CFAP299: variants seen among roughly 807,000 people sequenced by gnomAD.
CFAP299 encodes cilia and flagella associated protein 299, also known as cilia- and flagella-associated protein 299.
CFAP299 carries 21 observed loss-of-function variants against 27.0 expected under a neutral mutation model. The observed-to-expected ratio is 0.78, with a 90% CI of 0.55 to 1.12. CFAP299 has a LOEUF of 1.12. Among genes scored for constraint, CFAP299 ranks in the 50% most tolerant of loss-of-function variants. CFAP299 has a pLI of 0.00. For missense variants in CFAP299, 310 were observed against 276.6 expected (o/e 1.12, Z -0.86); for synonymous variants, 104 against 98.1 (o/e 1.06, Z -0.36).
At chr4:80,494,061 C>A (rs1731301922) in intron 2 of CFAP299, among the ~76,000 whole-genome samples, 1 of 152,078 alleles carries the variant, frequency 6.6e-6, no homozygotes, top group African/African-American at 2.4e-5. Context: ...AGGCGTGAGC[C>A]ACCGCGCCTG....
intron 3 of CFAP299, among the ~76,000 whole-genome samples, chr4:80,761,059 T>A (rs1355834655): frequency 6.6e-6 from 1 of 152,166 alleles, no homozygotes; most frequent in African/African-American, 2.4e-5. Flanking sequence ...TGTATTTAAA[T>A]TTTTCCTGCT....
chr4:80,404,060 C>T (rs1726294322), intron 2 of CFAP299, among the ~76,000 whole-genome samples: 1 of 152,102 alleles, frequency 6.6e-6, no homozygotes, highest in Admixed American at 6.6e-5. Context: ...GCAGTTTGAA[C>T]ATACATGATT....
At chr4:80,449,861 C>T (rs1054170782) in intron 2 of CFAP299, among the ~76,000 whole-genome samples, 2 of 151,954 alleles carry the variant, frequency 1.3e-5, no homozygotes, top group Non-Finnish European at 2.9e-5. Flanking sequence ...ATTATTTTCT[C>T]ACCAAAATGT....
intron 4 of CFAP299, among the ~76,000 whole-genome samples, chr4:80,914,457 C>T (rs1180001094): frequency 6.6e-6 from 1 of 152,084 alleles, no homozygotes; most frequent in Non-Finnish European, 1.5e-5. Flanking sequence ...GGATATTTAG[C>T]AATATCCGTA....
At chr4:80,551,477 G>A (rs1380747359) in intron 2 of CFAP299, among the ~76,000 whole-genome samples, 3 of 151,990 alleles carry the variant, frequency 2.0e-5, no homozygotes, top group South Asian at 2.1e-4. Context: ...ATATTTAGAC[G>A]TAAATGAAAT....
chr4:80,732,969 C>T (rs2110057226), intron 3 of CFAP299, among the ~76,000 whole-genome samples: 1 of 152,172 alleles, frequency 6.6e-6, no homozygotes, highest in African/African-American at 2.4e-5. Context: ...ATCAGTAATA[C>T]ACATGTGTTA....
intron 2 of CFAP299, among the ~76,000 whole-genome samples, chr4:80,473,629 G>A (rs953503171): frequency 5.3e-5 from 8 of 151,852 alleles, no homozygotes; most frequent in African/African-American, 1.9e-4. Flanking sequence ...GGAGTACAGT[G>A]GTGCGATCAC....
At chr4:80,621,328 T>C (rs2109931826) in intron 3 of CFAP299, among the ~76,000 whole-genome samples, 1 of 152,104 alleles carries the variant, frequency 6.6e-6, no homozygotes, top group East Asian at 1.9e-4. Flanking sequence ...TTTAAAGAAA[T>C]TGTTTTTGGA....
intron 3 of CFAP299, among the ~76,000 whole-genome samples, chr4:80,612,500 G>A (rs1047670924): frequency 6.6e-6 from 1 of 151,970 alleles, no homozygotes; most frequent in Non-Finnish European, 1.5e-5. Flanking sequence ...AACATCATTT[G>A]CAGAAACATC....
At chr4:80,483,186 C>G (rs1231845395) in intron 2 of CFAP299, among the ~76,000 whole-genome samples, 1 of 152,226 alleles carries the variant, frequency 6.6e-6, no homozygotes, top group Admixed American at 6.5e-5. Flanking sequence ...CCTGCCATTG[C>G]TGGCTTTGAG....
chr4:80,563,156 A>C (rs1225557910), intron 2 of CFAP299, among the ~76,000 whole-genome samples: 3 of 152,100 alleles, frequency 2.0e-5, no homozygotes, highest in African/African-American at 7.2e-5. Context: ...GAAAATCAAC[A>C]ACAAAAAAAT....
At position 80,824,503 on chromosome 4, in the gene CFAP299, C is replaced by T. The variant is rs142512560; in HGVS notation, c.334-45490C>T. ...TGATTGTAAGCTCCTCCCCCTCTGA[C>T]TAAAATAACTAAGGGATCTAAAGGG... On this transcript the variant is annotated intron_variant, in intron 3 of 5. Coordinates refer to ENST00000358105, the MANE Select transcript of CFAP299 (RefSeq NM_152770.3). Among the ~76,000 whole-genome samples the T allele has an allele frequency of 2.5e-3, 375 of 152,234 alleles. 1 individual carries two copies. Among genetic ancestry groups the T allele is most frequent in the African/African-American group, 8.5e-3 (354 of 41,550 alleles).
intron 2 of CFAP299, 73 bp downstream of exon 2, chr4:80,362,957 A>G (rs1039554060): frequency 1.4e-6 from 2 of 1,480,940 alleles, no homozygotes; most frequent in Non-Finnish European, 1.8e-6. Flanking sequence ...TTTCGTTTGC[A>G]TTGTTTAATT....
intron 3 of CFAP299, among the ~76,000 whole-genome samples, chr4:80,660,184 T>C (rs1577985665): frequency 6.6e-6 from 1 of 152,180 alleles, no homozygotes; most frequent in East Asian, 1.9e-4. Flanking sequence ...ATGATTTTAC[T>C]GGAGCAGTAA....
intron 3 of CFAP299, among the ~76,000 whole-genome samples, chr4:80,589,907 T>C (rs991469751): frequency 6.6e-6 from 1 of 152,190 alleles, no homozygotes; most frequent in Non-Finnish European, 1.5e-5. Flanking sequence ...GAGAAAGATG[T>C]GTATAATCTT....
intron 2 of CFAP299, among the ~76,000 whole-genome samples, chr4:80,514,377 A>G (rs1283485785): frequency 6.6e-6 from 1 of 152,106 alleles, no homozygotes; most frequent in Non-Finnish European, 1.5e-5. Context: ...GTAGCCAATA[A>G]TTACAGTAAA....
At chr4:80,618,194 T>A (rs1189951901) in intron 3 of CFAP299, among the ~76,000 whole-genome samples, 1 of 152,126 alleles carries the variant, frequency 6.6e-6, no homozygotes, top group African/African-American at 2.4e-5. Flanking sequence ...TAAACTTTAC[T>A]CTTTCAGGTG....
intron 1 of CFAP299, among the ~76,000 whole-genome samples, chr4:80,351,073 A>G (rs999182034): frequency 6.6e-6 from 1 of 152,218 alleles, no homozygotes; most frequent in East Asian, 1.9e-4. Context: ...GTAAGGTGAG[A>G]TAATTTATTT....
At chr4:80,941,661 A>AAAAAAC (rs113474937) in intron 4 of CFAP299, among the ~76,000 whole-genome samples, 3,697 of 152,188 alleles carry the variant, frequency 0.024, 79 homozygotes, top group African/African-American at 0.062. Flanking sequence ...ATTTATTTAA[A>AAAAAAC]AAAACAAAAC....
Sources: gnomAD v4.1 joint callset for allele counts (sites outside exome capture counted in the v4.1 genomes callset) on GRCh38, gnomAD v4.1.1 for gene constraint, MANE v1.5 for transcripts, NCBI Gene and HGNC (gene_info 2026-07-23, HGNC 2026-07-21) for gene names.